Variants in IL1R1 observed in about 807,000 individuals in gnomAD.
IL1R1 encodes the protein interleukin 1 receptor type 1, also known as interleukin-1 receptor type 1.
A neutral mutation model predicts 50.2 loss-of-function variants in IL1R1; 22 were observed. The observed-to-expected ratio is 0.44, with a 90% CI of 0.31 to 0.63. IL1R1 has a LOEUF of 0.63. Ranked by LOEUF, IL1R1 falls within the 20% of genes least tolerant of loss-of-function variation. IL1R1 has a pLI of 0.07. For missense variants in IL1R1, 509 were observed against 676.2 expected, an observed-to-expected ratio of 0.75 and a Z score of 2.74; for synonymous variants, 251 against 236.7, an observed-to-expected ratio of 1.06 and a Z score of -0.55.
In IL1R1 at chr2:102,179,490, T is replaced by A. The variant is rs187323946; in HGVS notation, c.*2731T>A. On this transcript the variant is annotated 3_prime_UTR_variant, in exon 12 of 12. Transcript: ENST00000410023. ...TCCCCACTAAAACAAAACAAAAAAC[T>A]TTTAATGCCTTCCACATTAATTAGA... 11 of 152,798 alleles carry A rather than the reference T, an allele frequency of 7.2e-5. No homozygotes were observed. Among genetic ancestry groups the A allele is most frequent in the Admixed American group, 5.9e-4 (9 of 15,298 alleles). 9.5% of individuals were successfully genotyped at this position (152,798 alleles called of 1,614,324 possible).
upstream of IL1R1, among the ~76,000 whole-genome samples, chr2:102,138,217 T>C (rs958442895): frequency 3.3e-5 from 5 of 152,162 alleles, no homozygotes; most frequent in Non-Finnish European, 5.9e-5. Flanking sequence ...AGGCCACTAA[T>C]CTGGTTCTGT....
At chr2:102,125,237 A>G (rs1188583014) in intron 1 of IL1R1, among the ~76,000 whole-genome samples, 1 of 152,176 alleles carries the variant, frequency 6.6e-6, no homozygotes, top group African/African-American at 2.4e-5. Context: ...GAGAGAACAC[A>G]TGCTTGCAAC....
At chr2:102,153,630 T>G (rs1181568841) in intron 1 of IL1R1, among the ~76,000 whole-genome samples, 1 of 152,150 alleles carries the variant, frequency 6.6e-6, no homozygotes, top group African/African-American at 2.4e-5. Flanking sequence ...GTTCTCATGA[T>G]AGTGAGTGAA....
At chr2:102,081,888 T>A (rs770092485) in intron 1 of IL1R1, among the ~76,000 whole-genome samples, 1 of 152,232 alleles carries the variant, frequency 6.6e-6, no homozygotes, top group Non-Finnish European at 1.5e-5. Context: ...TTGCCTGGGA[T>A]GCTTTGGAAG....
At chr2:102,100,778 G>C (rs759266351), upstream of IL1R1, among the ~76,000 whole-genome samples, 1 of 152,166 alleles carries the variant, frequency 6.6e-6, no homozygotes, top group Non-Finnish European at 1.5e-5. Context: ...TGTGGAAGCT[G>C]TCTGTCTGGA....
chr2:102,127,725 A>G (rs1681802840), intron 1 of IL1R1, among the ~76,000 whole-genome samples: 1 of 151,784 alleles, frequency 6.6e-6, no homozygotes, highest in African/African-American at 2.4e-5. Context: ...GATCTGGGAT[A>G]CCTATTTGGC....
chr2:102,137,458 C>G (rs1490672792), intron 1 of IL1R1, among the ~76,000 whole-genome samples: 1 of 152,108 alleles, frequency 6.6e-6, no homozygotes, highest in Non-Finnish European at 1.5e-5. Context: ...ACTGCCATGG[C>G]TGGAATGTAC....
At chr2:102,096,378 A>T (rs557978751) in intron 1 of IL1R1, among the ~76,000 whole-genome samples, 4 of 152,204 alleles carry the variant, frequency 2.6e-5, no homozygotes, top group East Asian at 1.9e-4. Context: ...CTTGTTGCCA[A>T]CATCTGGTTT....
At chr2:102,072,765 GT>G (rs1040934601) in intron 1 of IL1R1, among the ~76,000 whole-genome samples, 4 of 151,534 alleles carry the variant, frequency 2.6e-5, no homozygotes, top group African/African-American at 4.8e-5. Context: ...GCCAAACTTA[GT>G]TTTTTTTTCC....
chr2:102,178,375 A>T lies in IL1R1; in HGVS notation c.*1616A>T, dbSNP rs1014783001. ...CTTCCAGGAGCAATTTGCACATGTA[A>T]CATAGATTTATGTAATGCTTTATGT... On this transcript the variant is annotated 3_prime_UTR_variant, in exon 12 of 12. Transcript: ENST00000410023. 1 of 152,312 alleles carries T rather than the reference A, an allele frequency of 6.6e-6. No individual in the cohort carries two copies. Among genetic ancestry groups the T allele is most frequent in the Non-Finnish European group, 1.5e-5 (1 of 68,034 alleles). The allele number at this position is 152,312 out of a possible 1,614,324, so 9.4% of individuals were successfully genotyped here. A position where few individuals can be genotyped will look rare whatever the true frequency, so the allele number is the denominator to read the frequency against.
chr2:102,117,878 C>G (rs770199344), intron 1 of IL1R1, among the ~76,000 whole-genome samples: 1 of 151,844 alleles, frequency 6.6e-6, no homozygotes, highest in Non-Finnish European at 1.5e-5. Flanking sequence ...CCGTCAAAAT[C>G]AGTCCTCTGG....
intron 1 of IL1R1, among the ~76,000 whole-genome samples, chr2:102,134,504 G>C (rs576271871): frequency 1.2e-3 from 177 of 152,046 alleles, no homozygotes; most frequent in Middle Eastern, 6.8e-3. Context: ...TCAGCCTTCC[G>C]AGTAGCTGGG....
intron 1 of IL1R1, among the ~76,000 whole-genome samples, chr2:102,117,910 A>T (rs766110347): frequency 1.4e-5 from 2 of 146,504 alleles, no homozygotes; most frequent in African/African-American, 2.5e-5. Context: ...ATATGTTTGT[A>T]AAGGAACAAG....
At chr2:102,162,419 G>A (rs1053047898) in intron 3 of IL1R1, among the ~76,000 whole-genome samples, 4 of 152,088 alleles carry the variant, frequency 2.6e-5, no homozygotes, top group Non-Finnish European at 5.9e-5. Context: ...ATATATTAGG[G>A]TTTAATTCTG....
At chr2:102,145,890 A>G (rs1683076995) in intron 1 of IL1R1, among the ~76,000 whole-genome samples, 1 of 152,224 alleles carries the variant, frequency 6.6e-6, no homozygotes, top group Non-Finnish European at 1.5e-5. Context: ...ACATAAATAC[A>G]TAAATACTCT....
chr2:102,089,300 C>T (rs1202078865), intron 1 of IL1R1, among the ~76,000 whole-genome samples: 1 of 152,170 alleles, frequency 6.6e-6, no homozygotes, highest in Non-Finnish European at 1.5e-5. Context: ...AATATTGTTG[C>T]ATCTCAGAGA....
At chr2:102,163,593 T>A (rs1684915865) in intron 3 of IL1R1, among the ~76,000 whole-genome samples, 1 of 152,208 alleles carries the variant, frequency 6.6e-6, no homozygotes, top group Non-Finnish European at 1.5e-5. Flanking sequence ...TAATCATGTT[T>A]GATCTTTCCT....
intron 1 of IL1R1, among the ~76,000 whole-genome samples, chr2:102,148,981 C>CAAACAAACAAACAAAG (rs1553632095): frequency 4.1e-5 from 6 of 147,452 alleles, no homozygotes; most frequent in African/African-American, 1.5e-4. Context: ...AACAAACAAA[C>CAAACAAACAAACAAAG]GGGTAACAGG....
rs1246589793 is a variant in IL1R1 at position 102,164,854 on chromosome 2, C to A, written c.142C>A (p.Pro48Thr). The A allele has an allele frequency of 6.2e-7, 1 of 1,613,916 alleles. No individual in the cohort carries two copies. ...TGATGTTCGTCCCTGTCCTCTTAACCCAAATGAACACAAAGGCACTATAAC... is the reference window on the plus strand; with the variant it reads ...TGATGTTCGTCCCTGTCCTCTTAACACAAATGAACACAAAGGCACTATAAC... Reference protein sequence around the residue: ...EIDVRPCPLNPNEHKGTITWY... With the variant: ...EIDVRPCPLNTNEHKGTITWY... Residue 48 changes from proline (P) to threonine (T), a missense_variant, in exon 4 of 12, where the codon CCA (proline) becomes ACA (threonine). Pro to Thr is a conservative substitution (Grantham distance 38, BLOSUM62 -1). Coordinates refer to ENST00000410023, the MANE Select transcript of IL1R1 (RefSeq NM_000877.4).
Sources: allele counts gnomAD v4.1 joint callset (sites outside exome capture counted in the v4.1 genomes callset), GRCh38; gene constraint gnomAD v4.1.1; transcripts MANE v1.5; gene names NCBI Gene and HGNC (gene_info 2026-07-23, HGNC 2026-07-21).